The following PHC2 variants were observed in gnomAD, a reference collection of about 807,000 sequenced individuals.
PHC2 encodes the protein polyhomeotic homolog 2.
In PHC2, 29 loss-of-function variants were observed where a neutral mutation model predicts 87.4. The observed-to-expected ratio is 0.33, with a 90% CI of 0.25 to 0.45. The LOEUF is 0.45. Ranked by LOEUF, PHC2 falls within the 20% of genes least tolerant of loss-of-function variation. The probability of loss-of-function intolerance (pLI) is 1.00; values close to 1 mark genes in which losing one functional copy is unlikely to be tolerated. For synonymous variants in PHC2, 438 were observed against 461.7 expected (o/e 0.95, Z 0.66); for missense variants, 857 against 1,136.7 (o/e 0.75, Z 3.54).
chr1:33,373,969 C>A (rs55998161), intron 2 of PHC2, among the ~76,000 whole-genome samples: 64 of 152,204 alleles, frequency 4.2e-4, no homozygotes, highest in Admixed American at 5.2e-4. Flanking sequence ...TCTGGTGTCT[C>A]CCCAGACATC....
intron 1 of PHC2, among the ~76,000 whole-genome samples, chr1:33,395,172 T>C (rs1163455203): frequency 6.6e-6 from 1 of 152,148 alleles, no homozygotes; most frequent in East Asian, 1.9e-4. Flanking sequence ...AAAAATACTA[T>C]GCTGAATAAA....
At chr1:33,341,958 C>G (rs1037022246) in intron 9 of PHC2, among the ~76,000 whole-genome samples, 3 of 152,234 alleles carry the variant, frequency 2.0e-5, no homozygotes, top group South Asian at 4.1e-4. Context: ...TGCCTTGACA[C>G]AGCAGGCTGT....
At chr1:33,413,761 C>T (rs1054424650) in intron 1 of PHC2, among the ~76,000 whole-genome samples, 1 of 152,166 alleles carries the variant, frequency 6.6e-6, no homozygotes, top group Non-Finnish European at 1.5e-5. Flanking sequence ...AGTGTATTCA[C>T]TGCTTTATTG....
intron 13 of PHC2, 150 bp from the exon 14 acceptor site, chr1:33,329,296 T>G (rs999418868): frequency 5.5e-6 from 4 of 723,016 alleles, no homozygotes; most frequent in Non-Finnish European, 9.0e-6. Context: ...CTGTCCTGTC[T>G]CCTACCCTAG....
At chr1:33,377,627 A>C (rs1396616848) in intron 1 of PHC2, among the ~76,000 whole-genome samples, 1 of 151,860 alleles carries the variant, frequency 6.6e-6, no homozygotes, top group African/African-American at 2.4e-5. Flanking sequence ...ACATGGAAAA[A>C]TAATATTTGT....
intron 7 of PHC2, among the ~76,000 whole-genome samples, chr1:33,359,982 T>G (rs1647165023): frequency 1.3e-5 from 2 of 152,214 alleles, no homozygotes; most frequent in South Asian, 4.1e-4. Flanking sequence ...CTCATGTGAT[T>G]AGGCTTCATG....
chr1:33,389,606 C>T (rs1259115351), intron 1 of PHC2, among the ~76,000 whole-genome samples: 1 of 152,126 alleles, frequency 6.6e-6, no homozygotes, highest in African/African-American at 2.4e-5. Context: ...ATTCCAGAGT[C>T]CCCTGGGCCT....
chr1:33,349,272 C>A lies in PHC2; in HGVS notation c.1558+5129G>T. ...TCTCGTCCCCGAACGCACCGTCCGT[C>A]CCAGGGAAGTCGCAGCGGCGGGGAG... is the stretch of plus-strand genomic sequence containing the variant. On this transcript the variant is annotated intron_variant, in intron 9 of 14. Transcript: ENST00000683057. The surrounding 1 kb of genome is among the most constrained non-coding windows in gnomAD (Gnocchi z 4.2). The A allele has an allele frequency of 2.0e-6, 2 of 985,434 alleles. No individual in the cohort carries two copies. Among genetic ancestry groups the A allele is most frequent in the Non-Finnish European group, 2.4e-6 (2 of 829,942 alleles). The allele number at this position is 985,434 out of a possible 1,614,324, so 61.0% of individuals were successfully genotyped here.
intron 13 of PHC2, among the ~76,000 whole-genome samples, chr1:33,329,433 A>G (rs893600648): frequency 6.6e-6 from 1 of 152,164 alleles, no homozygotes; most frequent in Non-Finnish European, 1.5e-5. Flanking sequence ...TTGAAATAGC[A>G]TGTAACATTT....
intron 9 of PHC2, among the ~76,000 whole-genome samples, chr1:33,339,528 C>A (rs1312167835): frequency 6.6e-6 from 1 of 152,112 alleles, no homozygotes; most frequent in Non-Finnish European, 1.5e-5. Context: ...AATTCCCTGT[C>A]CCCTTTGAAA....
chr1:33,399,398 T>C (rs1043096837), intron 1 of PHC2, among the ~76,000 whole-genome samples: 9 of 152,204 alleles, frequency 5.9e-5, no homozygotes, highest in Admixed American at 2.6e-4. Context: ...GAAAAAGTTC[T>C]AAAGAGCCGC....
In PHC2 at chr1:33,325,697, A is replaced by G. The variant is rs192482839; in HGVS notation, c.2426-678T>C. 36 of 350,456 alleles carry G rather than the reference A, an allele frequency of 1.0e-4. No individual in the cohort carries two copies. In the Admixed American group the frequency reaches 1.3e-3, roughly 12 times the overall value. 21.7% of individuals were successfully genotyped at this position (350,456 alleles called of 1,614,324 possible). Reference sequence around the variant, plus strand: ...AGCCGAGCCACTCGATTCCTGACCCACATGGCCCTTGAGATGACAAGTGAT... The same window carrying G: ...AGCCGAGCCACTCGATTCCTGACCCGCATGGCCCTTGAGATGACAAGTGAT... On this transcript the variant is annotated intron_variant, in intron 14 of 14. Coordinates refer to ENST00000683057, the MANE Select transcript of PHC2 (RefSeq NM_001385109.1).
chr1:33,346,049 G>A (rs1646839289), intron 9 of PHC2: 1 of 985,098 alleles, frequency 1.0e-6, no homozygotes, highest in Non-Finnish European at 1.2e-6. Context: ...AACATTTAAA[G>A]CATAAATCTA....
In PHC2 at chr1:33,331,409, C is replaced by T; in HGVS notation, c.1945G>A (p.Val649Met). The T allele has an allele frequency of 6.2e-7, 1 of 1,613,318 alleles. No homozygotes were observed. The highest frequency in any genetic ancestry group is 8.5e-7 in the Non-Finnish European group (1 of 1,179,492). Residue 649 changes from valine (V) to methionine (M), a missense_variant, in exon 12 of 15, where the codon GTG becomes ATG. Physicochemically the swap from Val to Met is conservative, Grantham distance 21 (BLOSUM62 1). Transcript: ENST00000683057. The surrounding 1 kb of genome is among the most constrained non-coding windows in gnomAD (Gnocchi z 5.2). ...LKLKCELCGR[V>M]DFAYKFKRSK... ...CGCTTGAACTTATAGGCAAAGTCCA[C>T]CCGGCCACAGAGCTCACACTTGAGT...
At chr1:33,412,495 A>G (rs1236240272) in intron 1 of PHC2, among the ~76,000 whole-genome samples, 2 of 152,364 alleles carry the variant, frequency 1.3e-5, no homozygotes, top group East Asian at 1.9e-4. Context: ...GAAGAGGAAT[A>G]AATAAACAAT....
chr1:33,418,352 C>T (rs958820296), intron 1 of PHC2, among the ~76,000 whole-genome samples: 1 of 131,028 alleles, frequency 7.6e-6, no homozygotes, highest in Admixed American at 7.5e-5. Flanking sequence ...GGAGCAAGAG[C>T]AAGAGAGAGA....
At chr1:33,356,927 C>G (rs1475645804) in intron 7 of PHC2, among the ~76,000 whole-genome samples, 1 of 152,226 alleles carries the variant, frequency 6.6e-6, no homozygotes, top group African/African-American at 2.4e-5. Context: ...GGCTGCCCCC[C>G]ACCTCCCTCC....
intron 8 of PHC2, 89 bp from the exon 9 acceptor site, chr1:33,354,655 G>A: frequency 7.0e-7 from 1 of 1,422,796 alleles, no homozygotes; most frequent in Non-Finnish European, 9.5e-7. Context: ...AGCTTGGGAA[G>A]CAGGTAAGGA....
At chr1:33,419,706 T>C (rs1650353324) in intron 1 of PHC2, among the ~76,000 whole-genome samples, 2 of 151,956 alleles carry the variant, frequency 1.3e-5, no homozygotes, top group Admixed American at 1.3e-4. Flanking sequence ...ACCTCCCGGG[T>C]TCATGCCATT....
Sources: gnomAD v4.1 joint callset for allele counts (sites outside exome capture counted in the v4.1 genomes callset) on GRCh38, gnomAD v4.1.1 for gene constraint, Gnocchi (gnomAD v3.1) non-coding constraint, MANE v1.5 for transcripts, NCBI Gene and HGNC (gene_info 2026-07-23, HGNC 2026-07-21) for gene names.